Variants in ANKS1B observed in about 807,000 individuals in gnomAD.
The protein encoded by ANKS1B is ankyrin repeat and sterile alpha motif domain-containing protein 1B.
ANKS1B carries 36 observed loss-of-function variants against 148.3 expected under a neutral mutation model. That is an observed-to-expected ratio of 0.24 (90% confidence interval 0.19 to 0.32). The LOEUF (loss-of-function observed/expected upper bound fraction) is 0.32. Ranked by LOEUF, ANKS1B falls within the 10% of genes least tolerant of loss-of-function variation. ANKS1B has a pLI of 1.00. For synonymous variants in ANKS1B, 542 were observed against 560.8 expected (o/e 0.97, Z 0.47); for missense variants, 1,157 against 1,542.6 (o/e 0.75, Z 4.19).
intron 1 of ANKS1B, among the ~76,000 whole-genome samples, chr12:99,863,337 G>C (rs926739791): frequency 2.0e-5 from 3 of 152,016 alleles, no homozygotes; most frequent in Non-Finnish European, 4.4e-5. Context: ...CTTTTTCCCT[G>C]TGGCTGGCAA....
At chr12:99,030,887 A>T (rs147547554) in intron 17 of ANKS1B, among the ~76,000 whole-genome samples, 1 of 152,340 alleles carries the variant, frequency 6.6e-6, no homozygotes, top group African/African-American at 2.4e-5. Flanking sequence ...CAGTGCAATC[A>T]AGATGAACAT....
At chr12:99,455,324 G>C (rs1332886769) in intron 10 of ANKS1B, among the ~76,000 whole-genome samples, 1 of 152,160 alleles carries the variant, frequency 6.6e-6, no homozygotes, top group Non-Finnish European at 1.5e-5. Context: ...ATAGGAGGCA[G>C]GACTAACTTG....
At chr12:99,812,501 T>C (rs2068492751) in intron 2 of ANKS1B, among the ~76,000 whole-genome samples, 190 bp from the exon 3 acceptor site, 1 of 136,996 alleles carries the variant, frequency 7.3e-6, no homozygotes, top group Non-Finnish European at 1.6e-5. Context: ...TGGAAAACCA[T>C]CACCCCATGC....
rs71088138 is a variant in ANKS1B at position 99,667,353 on chromosome 12, A to AAAAAGAAAAG, written c.1129-12153_1129-12144dup. On this transcript the variant is annotated intron_variant, in intron 8 of 26. Transcript: ENST00000683438. ...GACAGAGCGAGACTCTGTCTCAAAA[A>AAAAAGAAAAG]AAAAGAAAAGAAAAGAAAAGAAAAG... Among the ~76,000 whole-genome samples the AAAAAGAAAAG allele has an allele frequency of 7.3e-3, 1,088 of 148,180 alleles. 32 individuals carry two copies. Among genetic ancestry groups the AAAAAGAAAAG allele is most frequent in the Admixed American group, 0.038 (567 of 14,914 alleles).
At chr12:99,518,515 C>A (rs1385615180) in intron 9 of ANKS1B, among the ~76,000 whole-genome samples, 1 of 151,980 alleles carries the variant, frequency 6.6e-6, no homozygotes, top group African/African-American at 2.4e-5. Flanking sequence ...ACTCATAGAA[C>A]CCATTAATGA....
At chr12:99,939,765 T>G (rs1255828898) in intron 1 of ANKS1B, among the ~76,000 whole-genome samples, 7 of 152,142 alleles carry the variant, frequency 4.6e-5, no homozygotes, top group African/African-American at 1.7e-4. Flanking sequence ...GTAAATTCAG[T>G]TAGTTACGTG....
intron 4 of ANKS1B, among the ~76,000 whole-genome samples, chr12:99,793,949 T>C (rs966434039): frequency 3.3e-5 from 5 of 151,934 alleles, no homozygotes; most frequent in African/African-American, 1.2e-4. Context: ...AACCAGAATA[T>C]ATAAGGAACA....
chr12:98,884,821 A>AG (rs2099735450), intron 17 of ANKS1B, among the ~76,000 whole-genome samples: 1 of 151,288 alleles, frequency 6.6e-6, no homozygotes, highest in African/African-American at 2.4e-5. Flanking sequence ...AAAAAAAAAA[A>AG]AAAAGAAACT....
chr12:99,138,388 T>G (rs1230755644), intron 15 of ANKS1B, among the ~76,000 whole-genome samples: 1 of 152,208 alleles, frequency 6.6e-6, no homozygotes, highest in Non-Finnish European at 1.5e-5. Context: ...TTTCAGAAAA[T>G]GTACTAGCCC....
intron 17 of ANKS1B, among the ~76,000 whole-genome samples, chr12:98,974,855 C>T (rs2099890134): frequency 6.6e-6 from 1 of 151,768 alleles, no homozygotes; most frequent in Non-Finnish European, 1.5e-5. Flanking sequence ...AGCTTTCCCT[C>T]CCTCTTTTCC....
chr12:99,400,380 T>C (rs2094371012), intron 11 of ANKS1B, among the ~76,000 whole-genome samples: 1 of 146,096 alleles, frequency 6.8e-6, no homozygotes, highest in Admixed American at 6.8e-5. Context: ...TGCTTGGTAT[T>C]TTTAGTGAAC....
chr12:99,492,482 A>G (rs567800520), intron 10 of ANKS1B, among the ~76,000 whole-genome samples: 7 of 152,336 alleles, frequency 4.6e-5, no homozygotes, highest in Admixed American at 3.9e-4. Context: ...TACAAAGAAG[A>G]GCTGGTACCA....
At chr12:99,641,074 C>T (rs1352195783) in intron 9 of ANKS1B, among the ~76,000 whole-genome samples, 1 of 152,174 alleles carries the variant, frequency 6.6e-6, no homozygotes, top group Non-Finnish European at 1.5e-5. Flanking sequence ...TACAAATTAA[C>T]ATTGCACATA....
intron 1 of ANKS1B, among the ~76,000 whole-genome samples, chr12:99,949,301 T>C (rs1207666259): frequency 6.6e-6 from 1 of 152,032 alleles, no homozygotes; most frequent in Non-Finnish European, 1.5e-5. Flanking sequence ...CAGGTAAAAC[T>C]TGGAAAGATA....
intron 12 of ANKS1B, among the ~76,000 whole-genome samples, chr12:99,346,283 C>T (rs1179234482): frequency 6.6e-6 from 1 of 151,666 alleles, no homozygotes; most frequent in East Asian, 1.9e-4. Flanking sequence ...GATAGTTACC[C>T]CCCTGCCTAA....
intron 3 of ANKS1B, among the ~76,000 whole-genome samples, chr12:99,811,353 G>A (rs180931943): frequency 3.4e-4 from 51 of 151,896 alleles, no homozygotes; most frequent in Admixed American, 1.6e-3. Context: ...GCTTAATGCC[G>A]TGATTGTAAT....
intron 17 of ANKS1B, among the ~76,000 whole-genome samples, chr12:99,047,584 AG>A (rs1413732510): frequency 2.0e-5 from 3 of 152,160 alleles, no homozygotes; most frequent in Non-Finnish European, 2.9e-5. Flanking sequence ...CAGTGCAGCC[AG>A]GGGGAAAAAA....
intron 9 of ANKS1B, among the ~76,000 whole-genome samples, chr12:99,533,211 G>A (rs1045320825): frequency 6.6e-6 from 1 of 152,144 alleles, no homozygotes; most frequent in African/African-American, 2.4e-5. Context: ...TTTCATTGGT[G>A]TTTTGTAGTT....
At chr12:99,465,118 A>C (rs1450077323) in intron 10 of ANKS1B, among the ~76,000 whole-genome samples, 1 of 152,244 alleles carries the variant, frequency 6.6e-6, no homozygotes, top group Non-Finnish European at 1.5e-5. Context: ...ACAAGCCAGA[A>C]GAGAGTGGGG....
Sources: allele counts gnomAD v4.1 joint callset (sites outside exome capture counted in the v4.1 genomes callset), GRCh38; gene constraint gnomAD v4.1.1; transcripts MANE v1.5; gene names NCBI Gene and HGNC (gene_info 2026-07-23, HGNC 2026-07-21).